The following LZTS1 variants were observed in gnomAD, a reference collection of about 807,000 sequenced individuals.
LZTS1 encodes leucine zipper putative tumor suppressor 1.
A neutral mutation model predicts 45.8 loss-of-function variants in LZTS1; 31 were observed. The ratio of observed to expected loss-of-function variants is 0.68; its 90% CI spans 0.51 to 0.91. The LOEUF (loss-of-function observed/expected upper bound fraction) is 0.91. Ranked by LOEUF, LZTS1 falls within the 40% of genes least tolerant of loss-of-function variation. LZTS1 has a pLI of 0.00. For missense variants in LZTS1, 821 were observed against 788.9 expected (o/e 1.04, Z -0.49); for synonymous variants, 359 against 357.3 (o/e 1.00, Z -0.05).
Position 20,270,405 on chromosome 8 carries a change from C to T in LZTS1, c.-134-15090G>A, listed in dbSNP as rs186264184. ...CCCCACCCTGCACCCCAGCAGCCTG[C>T]AGCTTCCCGTGTCATCAGCCATCAA... On this transcript the variant is annotated intron_variant, in intron 1 of 3. Coordinates refer to ENST00000381569, the MANE Select transcript of LZTS1 (RefSeq NM_021020.5). Among the ~76,000 whole-genome samples the T allele has an allele frequency of 4.6e-5, 7 of 152,380 alleles. No individual in the cohort carries two copies. The East Asian group carries it at 1.2e-3, about 25-fold the overall frequency.
chr8:20,251,131 A>T (rs1358341521), intron 3 of LZTS1, among the ~76,000 whole-genome samples: 1 of 45,974 alleles, frequency 2.2e-5, no homozygotes, highest in African/African-American at 5.3e-5. Flanking sequence ...ATATATATAT[A>T]TATATATATA....
chr8:20,266,465 G>C (rs1402490370), intron 1 of LZTS1, among the ~76,000 whole-genome samples: 1 of 152,176 alleles, frequency 6.6e-6, no homozygotes, highest in African/African-American at 2.4e-5. Flanking sequence ...CCGAAGCCAA[G>C]TCTATACTAC....
rs371794769 is a variant in LZTS1 at position 20,259,549 on chromosome 8, C to G, written c.-134-4234G>C. ...TAGCACTTCCTAATGGGAACCCTTC[C>G]AGTCTTCCCACTGTGTTAGAGTACA... On this transcript the variant is annotated intron_variant, in intron 1 of 3. Transcript: ENST00000381569. Among the ~76,000 whole-genome samples, 48 of 152,298 alleles carry G rather than the reference C, an allele frequency of 3.2e-4. No individual in the cohort carries two copies. In the East Asian group the frequency reaches 7.0e-3, roughly 22 times the overall value.
chr8:20,270,084 G>A (rs1497017), intron 1 of LZTS1, among the ~76,000 whole-genome samples: 75,768 of 152,142 alleles, frequency 0.5, 19,383 homozygotes, highest in African/African-American at 0.58. Context: ...AGTCAAATGC[G>A]TTGGCACCAG....
chr8:20,292,718 C>A (rs573371961), intron 1 of LZTS1, among the ~76,000 whole-genome samples: 13 of 152,278 alleles, frequency 8.5e-5, no homozygotes, highest in Non-Finnish European at 1.5e-4. Context: ...CTGGGGCAAA[C>A]CTGCCTACCA....
rs148039718 is a variant in LZTS1 at position 20,250,182 on chromosome 8, C to A, written c.1331G>T (p.Gly444Val). The A allele has an allele frequency of 1.2e-6, 2 of 1,611,180 alleles. No homozygotes were observed. The highest frequency in any genetic ancestry group is 2.2e-5 in the East Asian group (1 of 44,870). Reference sequence around the variant, plus strand: ...ATTCTCACAGACCTCCAGCTCCAGGCCCTTGGTGCGCAGGGCGCCCTCCAG... The same window carrying A: ...ATTCTCACAGACCTCCAGCTCCAGGACCTTGGTGCGCAGGGCGCCCTCCAG... ...QDLEGALRTK[G>V]LELEVCENEL... Residue 444 changes from glycine to valine, a missense_variant, in exon 4 of 4, where the codon GGC (glycine) becomes GTC (valine). Physicochemically the swap from Gly to Val is moderately radical, Grantham distance 109. Transcript: ENST00000381569.
intron 1 of LZTS1, among the ~76,000 whole-genome samples, chr8:20,296,481 C>T (rs369552163): frequency 6.6e-6 from 1 of 152,186 alleles, no homozygotes; most frequent in Non-Finnish European, 1.5e-5. Context: ...GGCATGGCAT[C>T]GGGGAGGGGG....
intron 1 of LZTS1, among the ~76,000 whole-genome samples, chr8:20,267,768 G>T (rs1332924727): frequency 6.6e-6 from 1 of 152,142 alleles, no homozygotes; most frequent in African/African-American, 2.4e-5. Flanking sequence ...ACCCGACTCG[G>T]ACTCCCAAAG....
intron 1 of LZTS1, among the ~76,000 whole-genome samples, chr8:20,282,914 T>C (rs1359718986): frequency 2.0e-5 from 3 of 152,204 alleles, no homozygotes; most frequent in African/African-American, 2.4e-5. Context: ...TAGATACTCA[T>C]ACATGTTGGT....
chr8:20,289,754 G>A (rs1051242946), intron 1 of LZTS1: 3 of 152,210 alleles, frequency 2.0e-5, no homozygotes, highest in Admixed American at 6.5e-5. Context: ...ATGCCAATGC[G>A]ACTGAGGCTA....
chr8:20,297,379 T>C (rs1304008620), intron 1 of LZTS1, among the ~76,000 whole-genome samples: 1 of 152,102 alleles, frequency 6.6e-6, no homozygotes, highest in Non-Finnish European at 1.5e-5. Context: ...AGACATTCCA[T>C]TATCCTAGCT....
At position 20,254,921 on chromosome 8, in the gene LZTS1, G is replaced by A. The variant is rs1431971510; in HGVS notation, c.261C>T (p.Ser87=). 8.1e-6 allele frequency: 13 copies of A among 1,614,086 alleles called. No homozygotes were observed. Among genetic ancestry groups the A allele is most frequent in the African/African-American group, 1.3e-5 (1 of 74,926 alleles). Residue 87 remains serine (S), a synonymous_variant, in exon 2 of 4, where the codon AGC becomes AGT. Coordinates refer to ENST00000381569, the MANE Select transcript of LZTS1 (RefSeq NM_021020.5). ...SHHPDYTALS[S]GDLGGQAGVD... ...CCCCAGCCTGGCCCCCTAAATCCCC[G>A]CTGGACAGTGCCGTGTAATCTGGGT...
chr8:20,262,702 T>G (rs1470872033), intron 1 of LZTS1, among the ~76,000 whole-genome samples: 2 of 152,078 alleles, frequency 1.3e-5, no homozygotes, highest in African/African-American at 2.4e-5. Context: ...GACAAGACAT[T>G]TTTGCTTGTC....
In LZTS1 at chr8:20,275,392, A is replaced by G. The variant is rs1236085002; in HGVS notation, c.-134-20077T>C. Among the ~76,000 whole-genome samples, 11 of 139,788 alleles carry G rather than the reference A, an allele frequency of 7.9e-5. No homozygotes were observed. In the East Asian group the frequency reaches 2.3e-3, roughly 29 times the overall value. 91.7% of individuals were successfully genotyped at this position (139,788 alleles called of 152,430 possible). A position where few individuals can be genotyped will look rare whatever the true frequency, so the allele number is the denominator to read the frequency against. On this transcript the variant is annotated intron_variant, in intron 1 of 3. Transcript: ENST00000381569. ...TGCACTCCAGCCTGGGCAACAGAGTAAGACTTCATCTCAAAAAAAAAAAAA... is the reference window on the plus strand; with the variant it reads ...TGCACTCCAGCCTGGGCAACAGAGTGAGACTTCATCTCAAAAAAAAAAAAA...
At chr8:20,287,899 A>AAG (rs1800821348) in intron 1 of LZTS1, among the ~76,000 whole-genome samples, 2 of 137,020 alleles carry the variant, frequency 1.5e-5, no homozygotes, top group South Asian at 2.3e-4. Flanking sequence ...ACTCCAGCCA[A>AAG]AAAAAAAAAA....
chr8:20,286,785 T>A (rs1010163190), intron 1 of LZTS1, among the ~76,000 whole-genome samples: 1 of 152,076 alleles, frequency 6.6e-6, no homozygotes, highest in African/African-American at 2.4e-5. Context: ...GTAGAGGGGA[T>A]CCCAGGGAGC....
At position 20,253,500 on chromosome 8, in the gene LZTS1, C is replaced by T. The variant is rs1421714913; in HGVS notation, c.431G>A (p.Ser144Asn). The change falls in exon 3 of 4, where the codon AGT becomes AAT. Residue 144 changes from serine to asparagine, a missense_variant. Transcript: ENST00000381569. ...SGAILHSSPE[S>N]ASHQLHPAPP... ...GGCGGGGTGCAGCTGGTGGCTGGCA[C>T]TCTCCGGGGAGGAGTGCAGGATGGC... is the stretch of plus-strand genomic sequence containing the variant. 2 of 1,582,476 alleles carry T rather than the reference C, an allele frequency of 1.3e-6. No individual in the cohort carries two copies. The highest frequency in any genetic ancestry group is 1.8e-5 in the Admixed American group (1 of 56,294).
intron 3 of LZTS1, 62 bp from the exon 4 acceptor site, chr8:20,250,425 C>T: frequency 1.3e-6 from 2 of 1,486,736 alleles, no homozygotes; most frequent in South Asian, 1.3e-5. Context: ...AGGGAAGTGA[C>T]AGCTCAGCTG....
intron 1 of LZTS1, among the ~76,000 whole-genome samples, chr8:20,256,940 G>A (rs1410707331): frequency 1.3e-5 from 2 of 152,146 alleles, no homozygotes; most frequent in South Asian, 2.1e-4. Flanking sequence ...TGGAGCACTC[G>A]GCATCTGGAG....
Sources: allele counts gnomAD v4.1 joint callset (sites outside exome capture counted in the v4.1 genomes callset), GRCh38; gene constraint gnomAD v4.1.1; transcripts MANE v1.5; gene names NCBI Gene and HGNC (gene_info 2026-07-23, HGNC 2026-07-21).